Variants in OR4F15 observed in about 807,000 individuals in gnomAD.
OR4F15 encodes the protein olfactory receptor 4F15.
In OR4F15, 7 loss-of-function variants were observed where a neutral mutation model predicts 11.9. The observed-to-expected ratio is 0.59, with a 90% CI of 0.33 to 1.10. The LOEUF is 1.10. Among genes scored for constraint, OR4F15 ranks in the 50% least tolerant of loss-of-function variants. The pLI is 0.03. For synonymous variants in OR4F15, 151 were observed against 134.6 expected (o/e 1.12, Z -0.84); for missense variants, 445 against 377.5 (o/e 1.18, Z -1.48).
chr15:101,817,135 G>T (rs1474595370), intron 1 of OR4F15, among the ~76,000 whole-genome samples: 1 of 152,072 alleles, frequency 6.6e-6, no homozygotes, highest in African/African-American at 2.4e-5. Flanking sequence ...CTTCCATTTT[G>T]AACCATATTA....
chr15:101,819,037 C>T lies in OR4F15; in HGVS notation c.851C>T (p.Pro284Leu). ...GCATTTATTACTCCTTTTCTGAATC[C>T]AGTTATCTACACATTCAGGAACAAA... is the stretch of plus-strand genomic sequence containing the variant. ...FDAFITPFLNPVIYTFRNKDM... is the reference protein window; with the variant it reads ...FDAFITPFLNLVIYTFRNKDM... The change falls in exon 2 of 2, where the codon CCA becomes CTA. Residue 284 changes from proline (P) to leucine (L), a missense_variant. Transcript: ENST00000332238. The T allele has an allele frequency of 6.2e-7, 1 of 1,613,850 alleles. No individual in the cohort carries two copies. The highest frequency in any genetic ancestry group is 2.2e-5 in the East Asian group (1 of 44,868).
In OR4F15 at chr15:101,819,172, G is replaced by A. The variant is rs2141622340; in HGVS notation, c.*47G>A. On this transcript the variant is annotated 3_prime_UTR_variant, in exon 2 of 2. Coordinates refer to ENST00000332238, the MANE Select transcript of OR4F15 (RefSeq NM_001001674.2). ...GTAACTATGGATTACTCCTCATGCT[G>A]ATTGCATAAAAGAAACTGCAATTTC... 7.7e-7 allele frequency: 1 copy of A among 1,292,606 alleles called. No individual in the cohort carries two copies. Among genetic ancestry groups the A allele is most frequent in the Non-Finnish European group, 1.1e-6 (1 of 938,196 alleles). 80.1% of individuals were successfully genotyped at this position (1,292,606 alleles called of 1,614,324 possible).
In OR4F15 at chr15:101,818,387, A is replaced by C. The variant is rs745747975; in HGVS notation, c.201A>C (p.Ser67=). The change falls in exon 2 of 2, where the codon TCA becomes TCC. Residue 67 remains serine, a synonymous_variant. Coordinates refer to ENST00000332238, the MANE Select transcript of OR4F15 (RefSeq NM_001001674.2). ...SPMYFLLANL[S]IIDMAFCSIT... ...TGTATTTCCTCCTGGCTAACCTCTC[A>C]ATCATTGATATGGCATTTTGCTCAA... The C allele has an allele frequency of 3.1e-6, 5 of 1,613,920 alleles. No homozygotes were observed. Among genetic ancestry groups the C allele is most frequent in the Non-Finnish European group, 4.2e-6 (5 of 1,179,946 alleles).
chr15:101,812,573 TGTC>T (rs780980481), intron 1 of OR4F15, among the ~76,000 whole-genome samples: 51 of 152,288 alleles, frequency 3.3e-4, no homozygotes, highest in Non-Finnish European at 6.9e-4. Flanking sequence ...ACATGCTTGT[TGTC>T]TTCCTAACAA....
In OR4F15 at chr15:101,819,168, T is replaced by A. The variant is rs1342257672; in HGVS notation, c.*43T>A. On this transcript the variant is annotated 3_prime_UTR_variant, in exon 2 of 2. Transcript: ENST00000332238. Reference sequence around the variant, plus strand: ...ATGTGTAACTATGGATTACTCCTCATGCTGATTGCATAAAAGAAACTGCAA... The same window carrying A: ...ATGTGTAACTATGGATTACTCCTCAAGCTGATTGCATAAAAGAAACTGCAA... The A allele has an allele frequency of 4.6e-6, 6 of 1,316,536 alleles. No individual in the cohort carries two copies. The highest frequency in any genetic ancestry group is 5.2e-6 in the Non-Finnish European group (5 of 955,812). The allele number at this position is 1,316,536 out of a possible 1,614,324, so 81.6% of individuals were successfully genotyped here.
At chr15:101,816,483 A>G (rs976786381) in intron 1 of OR4F15, among the ~76,000 whole-genome samples, 6 of 150,248 alleles carry the variant, frequency 4.0e-5, no homozygotes, top group African/African-American at 1.5e-4. Context: ...CAGTAAGAAT[A>G]TAACGTGTGT....
At chr15:101,815,025 G>C (rs1384894773) in intron 1 of OR4F15, among the ~76,000 whole-genome samples, 1 of 152,004 alleles carries the variant, frequency 6.6e-6, no homozygotes, top group Non-Finnish European at 1.5e-5. Context: ...TTGCTAGAAG[G>C]CTGTTTTTTC....
At chr15:101,813,235 C>T (rs867946007) in intron 1 of OR4F15, among the ~76,000 whole-genome samples, 6 of 152,102 alleles carry the variant, frequency 3.9e-5, no homozygotes, top group East Asian at 1.9e-4. Flanking sequence ...CAGCCGGGCA[C>T]GGTGGCTCAT....
At chr15:101,817,798 G>A (rs1903016156) in intron 1 of OR4F15, among the ~76,000 whole-genome samples, 1 of 152,168 alleles carries the variant, frequency 6.6e-6, no homozygotes, top group African/African-American at 2.4e-5. Context: ...GTGACTGGCT[G>A]AAATCATATC....
Position 101,818,365 on chromosome 15 carries a change from AT to A in OR4F15, c.182del (p.Phe61SerfsTer21), listed in dbSNP as rs768859612. 6.2e-6 allele frequency: 10 copies of A among 1,614,072 alleles called. No homozygotes were observed. The Admixed American group carries it at 1.7e-4, about 27-fold the overall frequency. On this transcript the variant is annotated frameshift_variant, in exon 2 of 2. Coordinates refer to ENST00000332238, the MANE Select transcript of OR4F15 (RefSeq NM_001001674.2). LOFTEE classifies it high-confidence loss of function. The stretch of plus-strand genomic sequence containing the variant: ...GATGCTCATCTGCACTCCCCCATGT[AT>A]TTCCTCCTGGCTAACCTCTCAATCA... ...TMDAHLHSPM[Y>X]FLLANLSIID...
intron 1 of OR4F15, among the ~76,000 whole-genome samples, chr15:101,815,866 T>G (rs1383829970): frequency 1.3e-5 from 2 of 152,194 alleles, no homozygotes; most frequent in Non-Finnish European, 2.9e-5. Flanking sequence ...TGTTTCCTTA[T>G]TGATAGTCAT....
chr15:101,813,633 C>A (rs191110979), intron 1 of OR4F15, among the ~76,000 whole-genome samples: 2 of 151,934 alleles, frequency 1.3e-5, no homozygotes, highest in African/African-American at 4.8e-5. Context: ...TGGTTCAGAA[C>A]GTAGTCTCAG....
chr15:101,818,317 T>C lies in OR4F15; in HGVS notation c.131T>C (p.Val44Ala), dbSNP rs1289438360. ...FYFASMMGNL[V>A]IVFTVTMDAH... ...TTTGCGAGCATGATGGGAAACCTTG[T>C]CATTGTATTCACTGTAACCATGGAT... The change falls in exon 2 of 2, where the codon GTC (valine) becomes GCC (alanine). Residue 44 changes from valine (V) to alanine (A), a missense_variant. Transcript: ENST00000332238. 2 of 1,614,126 alleles carry C rather than the reference T, an allele frequency of 1.2e-6. No homozygotes were observed.
Position 101,819,164 on chromosome 15 carries a change from C to G in OR4F15, c.*39C>G. ...CAAGATGTGTAACTATGGATTACTC[C>G]TCATGCTGATTGCATAAAAGAAACT... On this transcript the variant is annotated 3_prime_UTR_variant, in exon 2 of 2. Transcript: ENST00000332238. The G allele has an allele frequency of 7.4e-7, 1 of 1,358,788 alleles. No individual in the cohort carries two copies. The highest frequency in any genetic ancestry group is 1.0e-6 in the Non-Finnish European group (1 of 989,808). The allele number at this position is 1,358,788 out of a possible 1,614,324, so 84.2% of individuals were successfully genotyped here. A position where few individuals can be genotyped will look rare whatever the true frequency, so the allele number is the denominator to read the frequency against.
chr15:101,816,614 C>T (rs1283752452), intron 1 of OR4F15, among the ~76,000 whole-genome samples: 16 of 151,984 alleles, frequency 1.1e-4, no homozygotes, highest in Admixed American at 8.5e-4. Context: ...AGTTCTTGGT[C>T]CCAGTATAAA....
chr15:101,817,153 T>C (rs562198028), intron 1 of OR4F15, among the ~76,000 whole-genome samples: 1 of 152,316 alleles, frequency 6.6e-6, no homozygotes, highest in Admixed American at 6.5e-5. Context: ...TTAGAAGCCT[T>C]TTATTGACTA....
chr15:101,814,546 T>C (rs1246127117), intron 1 of OR4F15, among the ~76,000 whole-genome samples: 1 of 152,220 alleles, frequency 6.6e-6, no homozygotes, highest in African/African-American at 2.4e-5. Context: ...GCAGCTCTAA[T>C]GTTAAAGGAA....
chr15:101,814,091 G>T (rs1395300034), intron 1 of OR4F15, among the ~76,000 whole-genome samples: 2 of 152,248 alleles, frequency 1.3e-5, no homozygotes, highest in Admixed American at 6.5e-5. Flanking sequence ...AAGACAAGAG[G>T]ACAAAAGCTG....
intron 1 of OR4F15, among the ~76,000 whole-genome samples, chr15:101,817,494 A>G (rs923173414): frequency 2.6e-5 from 4 of 152,180 alleles, no homozygotes; most frequent in African/African-American, 9.7e-5. Context: ...CCAAGAGTCT[A>G]CATTTTAATT....
Sources: gnomAD v4.1 joint callset for allele counts (sites outside exome capture counted in the v4.1 genomes callset) on GRCh38, gnomAD v4.1.1 for gene constraint, MANE v1.5 for transcripts, NCBI Gene and HGNC (gene_info 2026-07-23, HGNC 2026-07-21) for gene names.